The following CSMD1 variants were observed in gnomAD, a reference collection of about 807,000 sequenced individuals.
The protein encoded by CSMD1 is CUB and sushi domain-containing protein 1.
In CSMD1, 213 loss-of-function variants were observed where a neutral mutation model predicts 417.5. The observed-to-expected ratio is 0.51, with a 90% CI of 0.46 to 0.57. CSMD1 has a LOEUF of 0.57. CSMD1 is among the 20% of genes least tolerant of loss of function. The pLI, the probability that CSMD1 is intolerant of heterozygous loss-of-function variation, is 0.00. For synonymous variants in CSMD1, 2,862 were observed against 1,736.8 expected (o/e 1.65, Z -16.11); for missense variants, 6,923 against 4,529.7 (o/e 1.53, Z -15.17).
rs377581065 is a variant in CSMD1 at position 4,193,266 on chromosome 8, G to A, written c.416-161167C>T. Among the ~76,000 whole-genome samples, 8 of 152,212 alleles carry A rather than the reference G, an allele frequency of 5.3e-5. No homozygotes were observed. In the East Asian group the frequency reaches 7.7e-4, roughly 15 times the overall value. On this transcript the variant is annotated intron_variant, in intron 3 of 69. Transcript: ENST00000635120. ...TAACGACAGGGTATTGTGAAAATAC[G>A]TTGCATCACACGTGTATTAAAATAC...
intron 3 of CSMD1, among the ~76,000 whole-genome samples, chr8:4,343,459 G>A (rs931773108): frequency 6.6e-6 from 1 of 152,074 alleles, no homozygotes; most frequent in African/African-American, 2.4e-5. Context: ...TGATGAATAT[G>A]TTACTTAGCT....
chr8:2,988,816 T>C (rs902416291), intron 54 of CSMD1, among the ~76,000 whole-genome samples: 6 of 152,230 alleles, frequency 3.9e-5, no homozygotes, highest in African/African-American at 9.6e-5. Context: ...CAGGGCTGGA[T>C]AGAGCTGCAT....
intron 2 of CSMD1, among the ~76,000 whole-genome samples, chr8:4,613,541 G>A (rs1285397477): frequency 6.6e-6 from 1 of 152,198 alleles, no homozygotes; most frequent in Non-Finnish European, 1.5e-5. Context: ...TGTAAGCCCA[G>A]CACTTTCACA....
chr8:3,748,323 G>T (rs1486310902), intron 6 of CSMD1, among the ~76,000 whole-genome samples: 1 of 152,032 alleles, frequency 6.6e-6, no homozygotes, highest in African/African-American at 2.4e-5. Flanking sequence ...AATTTATTTT[G>T]ATTGAAACAA....
At chr8:4,198,149 G>C (rs920093377) in intron 3 of CSMD1, among the ~76,000 whole-genome samples, 4 of 152,212 alleles carry the variant, frequency 2.6e-5, no homozygotes, top group Non-Finnish European at 4.4e-5. Flanking sequence ...CTTAAATGAT[G>C]ATCAGCAGTC....
At chr8:3,394,003 A>G (rs10089251) in intron 17 of CSMD1, among the ~76,000 whole-genome samples, 1 of 47,536 alleles carries the variant, frequency 2.1e-5, no homozygotes, top group Non-Finnish European at 4.0e-5. Context: ...ATAATAATAA[A>G]AAAATAAATT....
chr8:4,459,176 A>G (rs560712080), intron 2 of CSMD1, among the ~76,000 whole-genome samples: 24 of 152,342 alleles, frequency 1.6e-4, no homozygotes, highest in African/African-American at 5.5e-4. Flanking sequence ...TAAACTGCAG[A>G]TGAGTTTGGC....
chr8:4,131,905 G>A (rs1207446096), intron 3 of CSMD1, among the ~76,000 whole-genome samples: 4 of 151,838 alleles, frequency 2.6e-5, no homozygotes, highest in Admixed American at 1.3e-4. Flanking sequence ...TGGGACTACA[G>A]GTGCCCGCAA....
chr8:4,860,617 G>A (rs1344977364), intron 1 of CSMD1, among the ~76,000 whole-genome samples: 1 of 151,946 alleles, frequency 6.6e-6, no homozygotes, highest in Non-Finnish European at 1.5e-5. Flanking sequence ...AAATTACCCA[G>A]TCTCTGACAT....
intron 6 of CSMD1, among the ~76,000 whole-genome samples, chr8:3,714,960 A>C (rs1275543822): frequency 6.6e-6 from 1 of 152,126 alleles, no homozygotes; most frequent in Non-Finnish European, 1.5e-5. Flanking sequence ...TTTTTCTAGG[A>C]GCATTTACAC....
In CSMD1 at chr8:4,139,476, A is replaced by T. The variant is rs549354563; in HGVS notation, c.416-107377T>A. Among the ~76,000 whole-genome samples the T allele has an allele frequency of 1.3e-4, 20 of 151,572 alleles. 1 individual carries two copies. The highest frequency in any genetic ancestry group is 4.9e-4 in the African/African-American group (20 of 40,898). ...CCCTGGAGGCGTGGACAGTCCAGTG[A>T]GGAAGGTGGCGTGGATGAATGGTCT... is the stretch of plus-strand genomic sequence containing the variant. On this transcript the variant is annotated intron_variant, in intron 3 of 69. Transcript: ENST00000635120.
chr8:3,787,010 T>C (rs1213284926), intron 5 of CSMD1, among the ~76,000 whole-genome samples: 2 of 152,162 alleles, frequency 1.3e-5, no homozygotes, highest in African/African-American at 4.8e-5. Flanking sequence ...AGGGTCAGGA[T>C]CTGAAGTCTA....
chr8:3,623,900 C>T (rs1382096970), intron 7 of CSMD1, among the ~76,000 whole-genome samples: 1 of 152,000 alleles, frequency 6.6e-6, no homozygotes, highest in African/African-American at 2.4e-5. Flanking sequence ...TCGCTTGAAC[C>T]CGGGAGGCGG....
At position 4,077,183 on chromosome 8, in the gene CSMD1, G is replaced by A. The variant is rs578111254; in HGVS notation, c.416-45084C>T. Among the ~76,000 whole-genome samples the A allele has an allele frequency of 6.0e-5, 9 of 151,194 alleles. No individual in the cohort carries two copies. In the South Asian group the frequency reaches 1.3e-3, roughly 21 times the overall value. On this transcript the variant is annotated intron_variant, in intron 3 of 69. Transcript: ENST00000635120. Reference sequence around the variant, plus strand: ...CTGCACCCAATGGGTAAAAACTGGTGTAGAGAGAAGTCTCTAAATCCAGAT... The same window carrying A: ...CTGCACCCAATGGGTAAAAACTGGTATAGAGAGAAGTCTCTAAATCCAGAT...
chr8:3,796,043 CT>C lies in CSMD1; in HGVS notation c.819-42002del, dbSNP rs1563088906. On this transcript the variant is annotated intron_variant, in intron 5 of 69. Transcript: ENST00000635120. The stretch of plus-strand genomic sequence containing the variant: ...ATCATGTATAGATATAGATATATAT[CT>C]ATCATAGATATAGATATATATCTAT... Among the ~76,000 whole-genome samples the C allele has an allele frequency of 1.8e-3, 100 of 56,874 alleles. 7 individuals carry two copies. The highest frequency in any genetic ancestry group is 2.4e-3 in the Non-Finnish European group (61 of 25,838). The allele number at this position is 56,874 out of a possible 152,430, so 37.3% of individuals were successfully genotyped here. A position where few individuals can be genotyped will look rare whatever the true frequency, so the allele number is the denominator to read the frequency against.
intron 3 of CSMD1, among the ~76,000 whole-genome samples, chr8:4,396,669 A>T (rs1164408053): frequency 1.3e-5 from 2 of 152,062 alleles, no homozygotes; most frequent in African/African-American, 2.4e-5. Flanking sequence ...CCCCATACAC[A>T]CACACACCCA....
At chr8:3,729,520 G>A (rs1000305664) in intron 6 of CSMD1, among the ~76,000 whole-genome samples, 23 of 152,174 alleles carry the variant, frequency 1.5e-4, no homozygotes, top group Admixed American at 1.1e-3. Flanking sequence ...TGTGGAACCT[G>A]CCCAAGAGGA....
chr8:3,252,160 C>A lies in CSMD1; in HGVS notation c.4154-21929G>T, dbSNP rs1024311370. 3.9e-4 allele frequency among the ~76,000 whole-genome samples: 60 copies of A among 152,152 alleles called. 1 individual carries two copies. Among genetic ancestry groups the A allele is most frequent in the Non-Finnish European group, 1.5e-5 (1 of 68,038 alleles). The stretch of plus-strand genomic sequence containing the variant: ...GTGACAGTTTGCAAAGGGAATGCTT[C>A]CAGTTTTTGCCCATTCAGTATGATA... On this transcript the variant is annotated intron_variant, in intron 26 of 69. Transcript: ENST00000635120.
chr8:3,157,937 C>T lies in CSMD1; in HGVS notation c.5874G>A (p.Gly1958=), dbSNP rs780345700. 1.3e-6 allele frequency: 2 copies of T among 1,554,524 alleles called. No homozygotes were observed. The highest frequency in any genetic ancestry group is 1.7e-6 in the Non-Finnish European group (2 of 1,148,658). ...QGRSHISCMP[G]TVRRWNYPSP... is the part of the protein sequence containing the mutation. ...ACGGATAGTTCCAACGGCGAACGGTCCCTGGCATACAGGAAATGTGGGAAC... is the reference window on the plus strand; with the variant it reads ...ACGGATAGTTCCAACGGCGAACGGTTCCTGGCATACAGGAAATGTGGGAAC... Residue 1958 remains glycine, a synonymous_variant, in exon 39 of 70, where the codon GGG becomes GGA. Coordinates refer to ENST00000635120, the MANE Select transcript of CSMD1 (RefSeq NM_033225.6).
Sources: allele counts gnomAD v4.1 joint callset (sites outside exome capture counted in the v4.1 genomes callset), GRCh38; gene constraint gnomAD v4.1.1; transcripts MANE v1.5; gene names NCBI Gene and HGNC (gene_info 2026-07-23, HGNC 2026-07-21).